The following NDST4 variants were observed in gnomAD, a reference collection of about 807,000 sequenced individuals.
NDST4 encodes N-heparan sulfate sulfotransferase 4.
NDST4 carries 63 observed loss-of-function variants against 100.8 expected under a neutral mutation model. The observed-to-expected ratio is 0.62, with a 90% confidence interval of 0.51 to 0.77. The LOEUF is 0.77. Ranked by LOEUF, NDST4 falls within the 30% of genes least tolerant of loss-of-function variation. The pLI, the probability that NDST4 is intolerant of heterozygous loss-of-function variation, is 0.00. For synonymous variants in NDST4, 377 were observed against 361.8 expected, an observed-to-expected ratio of 1.04 and a Z score of -0.48; for missense variants, 943 against 1,018.4, an observed-to-expected ratio of 0.93 and a Z score of 1.01.
chr4:114,984,467 C>G (rs1195478089), intron 2 of NDST4, among the ~76,000 whole-genome samples: 1 of 152,046 alleles, frequency 6.6e-6, no homozygotes, highest in Non-Finnish European at 1.5e-5. Flanking sequence ...CGGCGCCAGG[C>G]CTAATACAGT....
intron 1 of NDST4, among the ~76,000 whole-genome samples, chr4:115,104,349 T>G (rs953124051): frequency 6.6e-6 from 1 of 152,040 alleles, no homozygotes; most frequent in Non-Finnish European, 1.5e-5. Context: ...GCCAGGAAGG[T>G]TTCTTGTGTT....
intron 2 of NDST4, among the ~76,000 whole-genome samples, chr4:114,985,621 G>C (rs942420648): frequency 4.6e-5 from 7 of 152,094 alleles, no homozygotes; most frequent in African/African-American, 1.4e-4. Flanking sequence ...AACAAAACTG[G>C]TAAGTTTTCT....
chr4:114,873,069 T>C (rs1724184526), intron 6 of NDST4, among the ~76,000 whole-genome samples: 2 of 151,880 alleles, frequency 1.3e-5, no homozygotes, highest in African/African-American at 4.8e-5. Context: ...AAAAATATTT[T>C]GGAAACCTTA....
chr4:114,929,224 T>A (rs1254285695), intron 6 of NDST4, among the ~76,000 whole-genome samples: 2 of 151,964 alleles, frequency 1.3e-5, no homozygotes, highest in African/African-American at 4.8e-5. Context: ...TCTGATAACT[T>A]CCGCCTATGC....
At chr4:114,867,998 C>T (rs1375111302) in intron 7 of NDST4, among the ~76,000 whole-genome samples, 3 of 152,126 alleles carry the variant, frequency 2.0e-5, no homozygotes, top group African/African-American at 7.2e-5. Flanking sequence ...GCTTCACATA[C>T]ATGGTAGTTG....
At chr4:114,918,870 T>C (rs2126218188) in intron 6 of NDST4, among the ~76,000 whole-genome samples, 1 of 152,340 alleles carries the variant, frequency 6.6e-6, no homozygotes, top group African/African-American at 2.4e-5. Context: ...ATTTCACTTT[T>C]ACCAAAGGCT....
chr4:114,934,579 A>T (rs1340655945), intron 6 of NDST4, among the ~76,000 whole-genome samples: 1 of 129,404 alleles, frequency 7.7e-6, no homozygotes, highest in Non-Finnish European at 1.7e-5. Flanking sequence ...AAATAAAAAT[A>T]AAAAAAATAA....
chr4:115,112,558 TATC>T (rs1399862202), intron 1 of NDST4, among the ~76,000 whole-genome samples: 2 of 151,898 alleles, frequency 1.3e-5, no homozygotes, highest in South Asian at 2.1e-4. Context: ...CAGTATAACT[TATC>T]ATAATAAACA....
chr4:115,073,099 G>A (rs941512079), intron 2 of NDST4, among the ~76,000 whole-genome samples: 1 of 151,926 alleles, frequency 6.6e-6, no homozygotes, highest in Non-Finnish European at 1.5e-5. Context: ...GGAAATGCGT[G>A]TCAAAACCAT....
intron 1 of NDST4, among the ~76,000 whole-genome samples, chr4:115,077,621 T>C (rs1203956057): frequency 1.3e-5 from 2 of 152,176 alleles, no homozygotes; most frequent in Non-Finnish European, 2.9e-5. Context: ...ACCATAAAAC[T>C]ATTCTACAGA....
chr4:115,042,802 G>C (rs964755511), intron 2 of NDST4, among the ~76,000 whole-genome samples: 1 of 152,032 alleles, frequency 6.6e-6, no homozygotes, highest in Non-Finnish European at 1.5e-5. Context: ...TCTAGACTCT[G>C]CATCAGAAGT....
At chr4:114,896,450 C>T (rs992984018) in intron 6 of NDST4, among the ~76,000 whole-genome samples, 6 of 151,560 alleles carry the variant, frequency 4.0e-5, no homozygotes, top group Non-Finnish European at 7.4e-5. Flanking sequence ...GGTGAAACCC[C>T]GTCTCTACTA....
intron 6 of NDST4, among the ~76,000 whole-genome samples, chr4:114,903,766 G>GGA (rs1724894425): frequency 6.6e-6 from 1 of 152,020 alleles, no homozygotes; most frequent in African/African-American, 2.4e-5. Flanking sequence ...GAAAAATAAA[G>GGA]GAGAAATAAA....
At chr4:114,911,258 C>G (rs1441373961) in intron 6 of NDST4, among the ~76,000 whole-genome samples, 1 of 152,154 alleles carries the variant, frequency 6.6e-6, no homozygotes, top group Non-Finnish European at 1.5e-5. Context: ...TGTGCCTCAG[C>G]CAACCAGACC....
chr4:115,097,984 C>A (rs1356186867), intron 1 of NDST4, among the ~76,000 whole-genome samples: 1 of 152,124 alleles, frequency 6.6e-6, no homozygotes, highest in Non-Finnish European at 1.5e-5. Context: ...ATGTAATATC[C>A]TCAGTATAGT....
chr4:114,847,094 C>CATTGCAAACAGGTTCATGCATGAT (rs1553948317), intron 9 of NDST4, among the ~76,000 whole-genome samples: 1 of 148,900 alleles, frequency 6.7e-6, no homozygotes, highest in African/African-American at 2.6e-5. Flanking sequence ...ATGTGTCTTT[C>CATTGCAAACAGGTTCATGCATGAT]GGCCGGGCGC....
intron 2 of NDST4, among the ~76,000 whole-genome samples, chr4:115,027,856 C>T (rs913569063): frequency 6.6e-6 from 1 of 152,042 alleles, no homozygotes; most frequent in Non-Finnish European, 1.5e-5. Context: ...GAGTTTGAAA[C>T]CAGCCTGACC....
intron 2 of NDST4, among the ~76,000 whole-genome samples, chr4:114,983,324 G>A (rs1432134788): frequency 6.6e-6 from 1 of 152,218 alleles, no homozygotes; most frequent in Non-Finnish European, 1.5e-5. Flanking sequence ...AAGCAGCCAT[G>A]GGGGCTGTAC....
In NDST4 at chr4:115,084,141, C is replaced by T. The variant is rs903682343; in HGVS notation, c.-246-6859G>A. Among the ~76,000 whole-genome samples the T allele has an allele frequency of 2.6e-5, 4 of 152,148 alleles. No individual in the cohort carries two copies. The South Asian group carries it at 8.3e-4, about 32-fold the overall frequency. On this transcript the variant is annotated intron_variant, in intron 1 of 13. Transcript: ENST00000264363. The stretch of plus-strand genomic sequence containing the variant: ...AACAATATGAACAATGAAGTCCAGG[C>T]TGAGGTGATCTCAGATGTTGATGAG...
Sources: allele counts gnomAD v4.1 joint callset (sites outside exome capture counted in the v4.1 genomes callset), GRCh38; gene constraint gnomAD v4.1.1; transcripts MANE v1.5; gene names NCBI Gene and HGNC (gene_info 2026-07-23, HGNC 2026-07-21).